Variants in ALDOB observed in about 807,000 individuals in gnomAD.
ALDOB encodes aldolase, fructose-bisphosphate B, also known as fructose-bisphosphate aldolase B.
In ALDOB, 39 loss-of-function variants were observed where a neutral mutation model predicts 41.0. That is an observed-to-expected ratio of 0.95 (90% CI 0.74 to 1.24). The LOEUF (loss-of-function observed/expected upper bound fraction) is 1.24, where lower values mean the gene tolerates loss of function less well. Among genes scored for constraint, ALDOB ranks in the 50% most tolerant of loss-of-function variants. The pLI is 0.00. For missense variants in ALDOB, 530 were observed against 457.3 expected, an observed-to-expected ratio of 1.16 and a Z score of -1.45; for synonymous variants, 175 against 168.8, an observed-to-expected ratio of 1.04 and a Z score of -0.28.
At chr9:101,425,859 T>G (rs1467298584) in intron 6 of ALDOB, among the ~76,000 whole-genome samples, 1 of 152,214 alleles carries the variant, frequency 6.6e-6, no homozygotes, top group Non-Finnish European at 1.5e-5. Context: ...TCTCATTCAC[T>G]GCATGAATGA....
rs1013015077 is a variant in ALDOB at position 101,429,944 on chromosome 9, C to A, written c.135G>T (p.Gln45His). The A allele has an allele frequency of 4.3e-6, 7 of 1,614,156 alleles. No homozygotes were observed. The highest frequency in any genetic ancestry group is 5.9e-6 in the Non-Finnish European group (7 of 1,180,028). The change falls in exon 3 of 9, where the codon CAG (glutamine) becomes CAT (histidine). Residue 45 changes from glutamine (Q) to histidine (H), a missense_variant. Coordinates refer to ENST00000647789, the MANE Select transcript of ALDOB (RefSeq NM_000035.4). ...CTTCAGTGTTTTCCACCTTGATCCT[C>A]TGCAGGCGGTTCCCCATGGTACCTA... ...ESVGTMGNRL[Q>H]RIKVENTEEN...
intron 1 of ALDOB, among the ~76,000 whole-genome samples, chr9:101,434,494 T>C (rs906768210): frequency 6.6e-6 from 1 of 152,396 alleles, no homozygotes; most frequent in Middle Eastern, 3.4e-3. Context: ...TGCTTCTCTA[T>C]GTACAAGACA....
chr9:101,434,439 G>A (rs1831262516), intron 1 of ALDOB, among the ~76,000 whole-genome samples: 1 of 152,172 alleles, frequency 6.6e-6, no homozygotes, highest in African/African-American at 2.4e-5. Context: ...TTTGTAACAT[G>A]GATATTTAAT....
At position 101,425,535 on chromosome 9, in the gene ALDOB, G is replaced by A. The variant is rs772197524; in HGVS notation, c.717C>T (p.Ala239=). 6.2e-7 allele frequency: 1 copy of A among 1,614,150 alleles called. No homozygotes were observed. Among genetic ancestry groups the A allele is most frequent in the Non-Finnish European group, 8.5e-7 (1 of 1,180,032 alleles). ...LKPNMVTAGH[A]CTKKYTPEQV... Reference sequence around the variant, plus strand: ...GTTCTGGAGTATACTTCTTGGTGCAGGCATGTCCAGCAGTCACCATGTTGG... The same window carrying A: ...GTTCTGGAGTATACTTCTTGGTGCAAGCATGTCCAGCAGTCACCATGTTGG... The change falls in exon 7 of 9, where the codon GCC becomes GCT. Residue 239 remains alanine (A), a synonymous_variant. Coordinates refer to ENST00000647789, the MANE Select transcript of ALDOB (RefSeq NM_000035.4).
rs755508323 is a variant in ALDOB at position 101,424,886 on chromosome 9, G to A, written c.956C>T (p.Ala319Val). Reference sequence around the variant, plus strand: ...AGCCTCCTGGGTTGCCTCCTTGTTTGCAGCCTTGCCACCCCAGGCAGCCAG... The same window carrying A: ...AGCCTCCTGGGTTGCCTCCTTGTTTACAGCCTTGCCACCCCAGGCAGCCAG... The part of the protein sequence containing the change: ...SALAAWGGKA[A>V]NKEATQEAFM... Residue 319 changes from alanine (A) to valine (V), a missense_variant, in exon 8 of 9, where the codon GCA becomes GTA. Physicochemically the swap from Ala to Val is moderately conservative, Grantham distance 64. Transcript: ENST00000647789. 49 of 1,613,790 alleles carry A rather than the reference G, an allele frequency of 3.0e-5. No homozygotes were observed. The highest frequency in any genetic ancestry group is 1.7e-4 in the Middle Eastern group (1 of 5,844).
In ALDOB at chr9:101,428,994, A is replaced by C. The variant is rs142066727; in HGVS notation, c.325-471T>G. Among the ~76,000 whole-genome samples, 934 of 152,360 alleles carry C rather than the reference A, an allele frequency of 6.1e-3. 6 individuals are homozygous for C. The highest frequency in any genetic ancestry group is 0.017 in the South Asian group (80 of 4,832). The stretch of plus-strand genomic sequence containing the variant: ...CTTGGAATGGTAAAAACTCTTATTC[A>C]ATGGATACTAGTTTTCACTTTTGAG... On this transcript the variant is annotated intron_variant, in intron 3 of 8. Transcript: ENST00000647789.
Position 101,431,784 on chromosome 9 carries a change from A to G in ALDOB, c.-10-887T>C, listed in dbSNP as rs151225562. 2.5e-3 allele frequency among the ~76,000 whole-genome samples: 378 copies of G among 152,230 alleles called. 2 individuals carry two copies. Among genetic ancestry groups the G allele is most frequent in the African/African-American group, 8.1e-3 (337 of 41,538 alleles). The stretch of plus-strand genomic sequence containing the variant: ...TGCATAGGTTGGGCTACCAAAGAAA[A>G]AATGGTAATGAAGATTATCTTGGGT... On this transcript the variant is annotated intron_variant, in intron 1 of 8. Transcript: ENST00000647789.
Position 101,424,909 on chromosome 9 carries a change from C to A in ALDOB, c.933G>T (p.Leu311=). Residue 311 remains leucine, a synonymous_variant, in exon 8 of 9, where the codon CTG becomes CTT. Transcript: ENST00000647789. ...SYGRALQASA[L]AAWGGKAANK... is the part of the protein sequence containing the mutation. ...TTGCAGCCTTGCCACCCCAGGCAGC[C>A]AGTGCACTGGCCTGCAGGGCCCGTC... 1 of 1,614,150 alleles carries A rather than the reference C, an allele frequency of 6.2e-7. No individual in the cohort carries two copies. Among genetic ancestry groups the A allele is most frequent in the Non-Finnish European group, 8.5e-7 (1 of 1,180,044 alleles).
At position 101,421,866 on chromosome 9, in the gene ALDOB, C is replaced by A. The variant is rs768168363; in HGVS notation, c.1038G>T (p.Thr346=). Residue 346 remains threonine (T), a synonymous_variant, in exon 9 of 9, where the codon ACG becomes ACT. Transcript: ENST00000647789. ...GGGTGGAAGCAGCCCCAGAAGAACCCGTGTGAACATACTGTCCTTTGGCCG... is the reference window on the plus strand; with the variant it reads ...GGGTGGAAGCAGCCCCAGAAGAACCAGTGTGAACATACTGTCCTTTGGCCG... ...CQAAKGQYVH[T]GSSGAASTQS... The A allele has an allele frequency of 6.2e-7, 1 of 1,614,044 alleles. No homozygotes were observed. The highest frequency in any genetic ancestry group is 1.3e-5 in the African/African-American group (1 of 75,024).
At chr9:101,435,534 TAGAG>T (rs144428432) in intron 1 of ALDOB, among the ~76,000 whole-genome samples, 171 bp downstream of exon 1, 8 of 152,124 alleles carry the variant, frequency 5.3e-5, no homozygotes, top group African/African-American at 1.4e-4. Flanking sequence ...CATTTATACT[TAGAG>T]AGAGGAAAAC....
chr9:101,431,762 A>G (rs909880971), intron 1 of ALDOB, among the ~76,000 whole-genome samples: 3 of 152,184 alleles, frequency 2.0e-5, no homozygotes, highest in Admixed American at 1.3e-4. Context: ...TGCTTTTTGC[A>G]TAGGTTGGGC....
intron 8 of ALDOB, among the ~76,000 whole-genome samples, chr9:101,424,563 C>G (rs1239740930): frequency 6.6e-6 from 1 of 152,114 alleles, no homozygotes; most frequent in Non-Finnish European, 1.5e-5. Flanking sequence ...AAAAAGTATC[C>G]TAGGTTCAGT....
chr9:101,423,009 G>A (rs1203929733), intron 8 of ALDOB, among the ~76,000 whole-genome samples: 1 of 152,162 alleles, frequency 6.6e-6, no homozygotes, highest in Non-Finnish European at 1.5e-5. Flanking sequence ...CTTCTTCTGT[G>A]TGGATGTCCC....
intron 4 of ALDOB, 47 bp from the exon 5 acceptor site, chr9:101,427,689 G>A (rs771652542): frequency 2.7e-5 from 43 of 1,608,730 alleles, no homozygotes; most frequent in Non-Finnish European, 3.7e-5. Context: ...CTTTGTACCT[G>A]ATCCATGGGG....
Position 101,424,978 on chromosome 9 carries a change from G to GT in ALDOB, c.863dup (p.Asn288LysfsTer48). On this transcript the variant is annotated frameshift_variant, in exon 8 of 9. Coordinates refer to ENST00000647789, the MANE Select transcript of ALDOB (RefSeq NM_000035.4). LOFTEE classifies it high-confidence loss of function. ...TCCAGGGCTTTGGTAGAGGGCAAAGGTTGATAGCATTGAGGTTGAGAGTGG... is the reference window on the plus strand; with the variant it reads ...TCCAGGGCTTTGGTAGAGGGCAAAGGTTTGATAGCATTGAGGTTGAGAGTGG... 1 of 1,614,210 alleles carries GT rather than the reference G, an allele frequency of 6.2e-7. No homozygotes were observed.
chr9:101,435,290 A>G (rs962137246), intron 1 of ALDOB, among the ~76,000 whole-genome samples: 2 of 152,206 alleles, frequency 1.3e-5, no homozygotes, highest in Non-Finnish European at 2.9e-5. Context: ...AAAATGACAT[A>G]AGGCAGTAGA....
chr9:101,421,634 T>C lies in ALDOB; in HGVS notation c.*175A>G. 1.4e-6 allele frequency: 1 copy of C among 699,254 alleles called. No individual in the cohort carries two copies. Among genetic ancestry groups the C allele is most frequent in the Non-Finnish European group, 2.6e-6 (1 of 380,532 alleles). The allele number at this position is 699,254 out of a possible 1,614,324, so 43.3% of individuals were successfully genotyped here. The stretch of plus-strand genomic sequence containing the variant: ...AATTTGATCAGGTCCTTGGTATTCA[T>C]TTTTATGTTTCAATAACTGATTTAT... On this transcript the variant is annotated 3_prime_UTR_variant, in exon 9 of 9. Transcript: ENST00000647789.
At position 101,425,636 on chromosome 9, in the gene ALDOB, CAA is replaced by C. The variant is rs781473466; in HGVS notation, c.625-11_625-10del. The C allele has an allele frequency of 5.0e-6, 8 of 1,614,004 alleles. No individual in the cohort carries two copies. The highest frequency in any genetic ancestry group is 6.8e-6 in the Non-Finnish European group (8 of 1,180,004). ...TAGACAGCAGCCAGGACCTGAAGGA[CAA>C]GAGGTCCCACCAGGTGAAACTCAAA... On this transcript the variant is annotated splice_polypyrimidine_tract_variant and intron_variant, in intron 6 of 8. Coordinates refer to ENST00000647789, the MANE Select transcript of ALDOB (RefSeq NM_000035.4).
chr9:101,432,937 G>A (rs887574810), intron 1 of ALDOB, among the ~76,000 whole-genome samples: 1 of 152,218 alleles, frequency 6.6e-6, no homozygotes, highest in Non-Finnish European at 1.5e-5. Context: ...ACACATTTAT[G>A]TAGAGGTTTG....
Sources: allele counts gnomAD v4.1 joint callset (sites outside exome capture counted in the v4.1 genomes callset), GRCh38; gene constraint gnomAD v4.1.1; transcripts MANE v1.5; gene names NCBI Gene and HGNC (gene_info 2026-07-23, HGNC 2026-07-21).